LRRK1: variants seen among roughly 807,000 people sequenced by gnomAD.
The protein encoded by LRRK1 is leucine rich repeat kinase 1, also known as leucine-rich repeat serine/threonine-protein kinase 1.
A neutral mutation model predicts 209.1 loss-of-function variants in LRRK1; 113 were observed. The ratio of observed to expected loss-of-function variants is 0.54; its 90% CI spans 0.46 to 0.63. LRRK1 has a LOEUF of 0.63. LRRK1 is among the 30% of genes least tolerant of loss of function. The pLI is 0.00. For synonymous variants in LRRK1, 1,144 were observed against 1,099.7 expected (o/e 1.04, Z -0.80); for missense variants, 2,284 against 2,632.2 (o/e 0.87, Z 2.89).
chr15:101,041,027 C>G (rs553862990), intron 20 of LRRK1, among the ~76,000 whole-genome samples: 1 of 152,164 alleles, frequency 6.6e-6, no homozygotes, highest in East Asian at 1.9e-4. Flanking sequence ...ATAAGTCTAC[C>G]TCTCTCTCCA....
chr15:100,929,135 C>T (rs753922346), intron 2 of LRRK1, among the ~76,000 whole-genome samples: 25 of 152,298 alleles, frequency 1.6e-4, no homozygotes, highest in Middle Eastern at 3.4e-3. Context: ...AAACCAGTCC[C>T]GCCAGCCAAG....
Position 101,056,823 on chromosome 15 carries a change from G to T in LRRK1, c.4333-33G>T, listed in dbSNP as rs201919568. 1,050 of 1,532,020 alleles carry T rather than the reference G, an allele frequency of 6.9e-4. 7 individuals carry two copies. Among genetic ancestry groups the T allele is most frequent in the Middle Eastern group, 4.0e-3 (23 of 5,728 alleles). The allele number at this position is 1,532,020 out of a possible 1,614,324, so 94.9% of individuals were successfully genotyped here. A position where few individuals can be genotyped will look rare whatever the true frequency, so the allele number is the denominator to read the frequency against. ...ACCTTGTGAAGGCCACTGGGCCCAG[G>T]CAGCGACCTGACTTGGCTTGTTCTG... On this transcript the variant is annotated intron_variant, in intron 27 of 33. Transcript: ENST00000388948.
chr15:101,046,777 G>C (rs1162103665), intron 21 of LRRK1, among the ~76,000 whole-genome samples: 1 of 152,240 alleles, frequency 6.6e-6, no homozygotes, highest in Non-Finnish European at 1.5e-5. Context: ...CTGTACGTTG[G>C]TTCTGGTAAC....
At chr15:100,954,721 T>A (rs1237962575) in intron 2 of LRRK1, among the ~76,000 whole-genome samples, 2 of 152,248 alleles carry the variant, frequency 1.3e-5, no homozygotes, top group African/African-American at 4.8e-5. Context: ...GATGTCCAGT[T>A]TTTTTCGACA....
chr15:101,012,220 G>A, intron 10 of LRRK1, 75 bp downstream of exon 10: 2 of 1,277,506 alleles, frequency 1.6e-6, no homozygotes, highest in Non-Finnish European at 2.2e-6. Flanking sequence ...TGAAATGTAT[G>A]TGCTTTTCCT....
chr15:101,044,671 C>A (rs1037927326), intron 20 of LRRK1, among the ~76,000 whole-genome samples: 1 of 152,214 alleles, frequency 6.6e-6, no homozygotes, highest in African/African-American at 2.4e-5. Context: ...TGCTGGGACG[C>A]CTGGGGACAG....
chr15:100,928,435 C>G (rs548690556), intron 2 of LRRK1, among the ~76,000 whole-genome samples: 27 of 152,320 alleles, frequency 1.8e-4, no homozygotes, highest in African/African-American at 6.0e-4. Flanking sequence ...CTCCCACCCC[C>G]CAAATCCACC....
chr15:100,943,913 G>A (rs2042490491), intron 2 of LRRK1, among the ~76,000 whole-genome samples: 2 of 152,050 alleles, frequency 1.3e-5, no homozygotes, highest in East Asian at 3.9e-4. Context: ...CCTGACCTCA[G>A]GTGACCTGCC....
chr15:101,020,341 A>G lies in LRRK1; in HGVS notation c.1610-712A>G, dbSNP rs1362432414. ...TGTGCACACATTTTCTGCTACACTAATAAGCCTTCTAGATATCCGGTTCTG... is the reference window on the plus strand; with the variant it reads ...TGTGCACACATTTTCTGCTACACTAGTAAGCCTTCTAGATATCCGGTTCTG... On this transcript the variant is annotated intron_variant, in intron 12 of 33. Coordinates refer to ENST00000388948, the MANE Select transcript of LRRK1 (RefSeq NM_024652.6). Among the ~76,000 whole-genome samples the G allele has an allele frequency of 2.0e-5, 3 of 150,798 alleles. No individual in the cohort carries two copies. In the East Asian group the frequency reaches 5.8e-4, roughly 29 times the overall value.
chr15:101,012,186 A>G (rs1208196976), intron 10 of LRRK1, 41 bp downstream of exon 10: 10 of 1,549,198 alleles, frequency 6.5e-6, no homozygotes, highest in South Asian at 3.6e-5. Context: ...TCGGCTTTTG[A>G]GAGAAAATTG....
intron 2 of LRRK1, among the ~76,000 whole-genome samples, chr15:100,971,115 C>T (rs1327957475): frequency 1.3e-5 from 2 of 152,018 alleles, no homozygotes; most frequent in Non-Finnish European, 1.5e-5. Flanking sequence ...GGGTGGATCA[C>T]TTGAGGTCGA....
intron 12 of LRRK1, among the ~76,000 whole-genome samples, chr15:101,018,989 G>A (rs760086802): frequency 2.0e-5 from 3 of 152,218 alleles, no homozygotes; most frequent in Non-Finnish European, 4.4e-5. Context: ...TATTTGTGCA[G>A]TGGCCTCATC....
intron 13 of LRRK1, 77 bp from the exon 14 acceptor site, chr15:101,021,768 G>A (rs1206400260): frequency 3.6e-5 from 31 of 865,374 alleles, no homozygotes; most frequent in African/African-American, 8.3e-5. Flanking sequence ...CAGGAGCCAC[G>A]TGTGTGCGTG....
At chr15:100,928,891 A>G (rs764585587) in intron 2 of LRRK1, among the ~76,000 whole-genome samples, 15 of 152,134 alleles carry the variant, frequency 9.9e-5, no homozygotes, top group Admixed American at 4.6e-4. Context: ...GTGCAACACA[A>G]TTGTGTCCCA....
chr15:100,962,080 A>G (rs2030012864), intron 2 of LRRK1, among the ~76,000 whole-genome samples: 1 of 152,202 alleles, frequency 6.6e-6, no homozygotes, highest in African/African-American at 2.4e-5. Flanking sequence ...TTCAATATAG[A>G]TAATACCACT....
chr15:101,055,812 C>T (rs2141141941), intron 27 of LRRK1, among the ~76,000 whole-genome samples: 1 of 152,314 alleles, frequency 6.6e-6, no homozygotes, highest in South Asian at 2.1e-4. Flanking sequence ...ACACACACAA[C>T]TTGAAGTCAT....
chr15:101,000,195 C>T (rs1429014616), intron 6 of LRRK1, among the ~76,000 whole-genome samples: 3 of 152,186 alleles, frequency 2.0e-5, no homozygotes, highest in African/African-American at 4.8e-5. Flanking sequence ...TTCTGAAATT[C>T]TCCATTTACA....
At chr15:101,001,667 T>C (rs977753710) in intron 6 of LRRK1, among the ~76,000 whole-genome samples, 3 of 152,230 alleles carry the variant, frequency 2.0e-5, no homozygotes, top group African/African-American at 4.8e-5. Flanking sequence ...TCAAGAACTT[T>C]CTGTGTATTT....
intron 6 of LRRK1, among the ~76,000 whole-genome samples, chr15:100,999,538 C>T (rs145712807): frequency 2.9e-3 from 437 of 152,272 alleles, no homozygotes; most frequent in Middle Eastern, 0.01. Context: ...CATGTGCGTA[C>T]ATGTAATTGG....
Sources: gnomAD v4.1 joint callset for allele counts (sites outside exome capture counted in the v4.1 genomes callset) on GRCh38, gnomAD v4.1.1 for gene constraint, MANE v1.5 for transcripts, NCBI Gene and HGNC (gene_info 2026-07-23, HGNC 2026-07-21) for gene names.